DDX60L: variants seen among roughly 807,000 people sequenced by gnomAD.
The protein encoded by DDX60L is DExD/H-box 60 like, also known as probable ATP-dependent RNA helicase DDX60-like.
DDX60L carries 191 observed loss-of-function variants against 211.6 expected under a neutral mutation model. The ratio of observed to expected loss-of-function variants is 0.90; its 90% CI spans 0.80 to 1.02. The LOEUF is 1.02. Among genes scored for constraint, DDX60L ranks in the 50% least tolerant of loss-of-function variants. The pLI, the probability that DDX60L is intolerant of heterozygous loss-of-function variation, is 0.00. For missense variants in DDX60L, 2,007 were observed against 1,984.1 expected (o/e 1.01, Z -0.22); for synonymous variants, 706 against 694.1 (o/e 1.02, Z -0.27).
chr4:168,398,123 G>T (rs1222141403), intron 26 of DDX60L, among the ~76,000 whole-genome samples: 1 of 152,122 alleles, frequency 6.6e-6, no homozygotes, highest in Non-Finnish European at 1.5e-5. Context: ...ACTCTCGGGG[G>T]CCCAGGAAGG....
At chr4:168,398,637 C>A (rs1352599592) in intron 26 of DDX60L, among the ~76,000 whole-genome samples, 1 of 152,224 alleles carries the variant, frequency 6.6e-6, no homozygotes, top group African/African-American at 2.4e-5. Context: ...TCCAGGCCTG[C>A]CCATGGCCAC....
chr4:168,362,069 T>C (rs983513957), intron 36 of DDX60L, among the ~76,000 whole-genome samples: 6 of 152,238 alleles, frequency 3.9e-5, no homozygotes, highest in Admixed American at 2.0e-4. Context: ...GCCAGGCCAC[T>C]GCACCAGTGC....
chr4:168,406,067 TG>T lies in DDX60L; in HGVS notation c.3095del (p.Pro1032GlnfsTer11), dbSNP rs1747698647. On this transcript the variant is annotated frameshift_variant, in exon 24 of 38. Transcript: ENST00000682922. LOFTEE classifies it high-confidence loss of function. ...ETWPRAQELC[P>X]EEFILFKNKI... ...TATTCTTAAAAAGAATGAATTCCTCTGGACACAATTCCTTGGGGGGAAAATT... is the reference window on the plus strand; with the variant it reads ...TATTCTTAAAAAGAATGAATTCCTCTGACACAATTCCTTGGGGGGAAAATT... 1.3e-6 allele frequency: 2 copies of T among 1,593,642 alleles called. No homozygotes were observed. The highest frequency in any genetic ancestry group is 4.6e-5 in the East Asian group (2 of 43,872).
intron 9 of DDX60L, among the ~76,000 whole-genome samples, chr4:168,441,944 T>A (rs1753907589): frequency 6.6e-6 from 1 of 152,168 alleles, no homozygotes; most frequent in East Asian, 1.9e-4. Flanking sequence ...GCTTGCAACT[T>A]TAAAAACTAA....
At chr4:168,404,147 ATT>A in intron 24 of DDX60L, 41 bp from the exon 25 acceptor site, 2 of 1,199,846 alleles carry the variant, frequency 1.7e-6, no homozygotes, top group Non-Finnish European at 2.2e-6. Context: ...AAAAAAAAGA[ATT>A]TGTGGAAACA....
chr4:168,409,311 G>A (rs1561009059), intron 22 of DDX60L, among the ~76,000 whole-genome samples: 1 of 152,164 alleles, frequency 6.6e-6, no homozygotes, highest in South Asian at 2.1e-4. Context: ...ACTGAGAATA[G>A]ACGAAGGCAC....
chr4:168,474,031 C>T (rs898293929), intron 1 of DDX60L, among the ~76,000 whole-genome samples: 1 of 152,164 alleles, frequency 6.6e-6, no homozygotes, highest in African/African-American at 2.4e-5. Flanking sequence ...ACAGGCGCTG[C>T]ACTTGGGGGT....
rs1206995403 is a variant in DDX60L, at chr4:168,421,918, T to C, written c.2245-9A>G. The C allele has an allele frequency of 3.7e-6, 6 of 1,614,016 alleles. No individual in the cohort carries two copies. The highest frequency in any genetic ancestry group is 1.3e-5 in the African/African-American group (1 of 75,012). On this transcript the variant is annotated splice_polypyrimidine_tract_variant and intron_variant, in intron 16 of 37. Transcript: ENST00000682922. The stretch of plus-strand genomic sequence containing the variant: ...ACATCCAGGAGTTCCTGCTGCAGGG[T>C]ACAAAGCACCATTTGTGTCAAGAAA...
In DDX60L at chr4:168,394,576, G is replaced by T. The variant is rs745407490; in HGVS notation, c.3699C>A (p.His1233Gln). 1.2e-6 allele frequency: 2 copies of T among 1,613,082 alleles called. No homozygotes were observed. Among genetic ancestry groups the T allele is most frequent in the South Asian group, 2.2e-5 (2 of 90,948 alleles). The change falls in exon 28 of 38, where the codon CAC (histidine) becomes CAA (glutamine). Residue 1233 changes from histidine to glutamine, a missense_variant. Physicochemically the swap from His to Gln is conservative, Grantham distance 24. Transcript: ENST00000682922. ...RVLPRVRFTR[H>Q]GKELKALAQR... is the part of the protein sequence containing the mutation. ...GTGCTAAAGCCTTCAGTTCTTTGCC[G>T]TGTCTTGTAAATCGCACTCGCGGTA...
chr4:168,361,143 A>AAT lies in DDX60L; in HGVS notation c.4991+5_4991+6insAT, dbSNP rs1162371087. ...TTGAGAAAATCAAACTCAGCATGAA[A>AAT]CATACCTGATAGCCTGAATGTTGAA... On this transcript the variant is annotated splice_donor_region_variant and intron_variant, in intron 37 of 37. Coordinates refer to ENST00000682922, the MANE Select transcript of DDX60L (RefSeq NM_001012967.3). 1.9e-6 allele frequency: 3 copies of AAT among 1,597,852 alleles called. No individual in the cohort carries two copies. Among genetic ancestry groups the AAT allele is most frequent in the Non-Finnish European group, 2.6e-6 (3 of 1,168,142 alleles).
chr4:168,453,163 T>C lies in DDX60L; in HGVS notation c.957A>G (p.Thr319=). The C allele has an allele frequency of 6.2e-7, 1 of 1,613,016 alleles. No homozygotes were observed. The highest frequency in any genetic ancestry group is 1.1e-5 in the South Asian group (1 of 90,922). Residue 319 remains threonine (T), a synonymous_variant, in exon 8 of 38, where the codon ACA becomes ACG. Transcript: ENST00000682922. ...LSQRACSRVI[T]CSWIRNSDSF... ...AATCACTGTTCCTAATCCAAGAGCA[T>C]GTGATGACTCGAGAACAAGCTCTCT...
At chr4:168,404,774 A>T in intron 24 of DDX60L, among the ~76,000 whole-genome samples, 1 of 152,224 alleles carries the variant, frequency 6.6e-6, no homozygotes, top group Non-Finnish European at 1.5e-5. Flanking sequence ...ATTTTACATC[A>T]GGAAAATTAA....
intron 33 of DDX60L, among the ~76,000 whole-genome samples, chr4:168,376,787 C>T (rs1208758589): frequency 6.6e-6 from 1 of 152,182 alleles, no homozygotes; most frequent in Admixed American, 6.5e-5. Flanking sequence ...GCTATACAGC[C>T]CCATCAGGAG....
intron 34 of DDX60L, among the ~76,000 whole-genome samples, chr4:168,374,917 G>C (rs1445827461): frequency 6.6e-6 from 1 of 152,188 alleles, no homozygotes; most frequent in Admixed American, 6.5e-5. Context: ...ACTGGCATGA[G>C]ACCTCATGGT....
In DDX60L at chr4:168,403,041, G is replaced by T. The variant is rs1747110949; in HGVS notation, c.3338+941C>A. Among the ~76,000 whole-genome samples, 6 of 152,124 alleles carry T rather than the reference G, an allele frequency of 3.9e-5. 1 individual carries two copies. The highest frequency in any genetic ancestry group is 3.9e-4 in the Admixed American group (6 of 15,272). ...CTCAGTGATATATAGGGGTACATTT[G>T]TTTCTAACTAAAATTCAGAGCCACA... On this transcript the variant is annotated intron_variant, in intron 25 of 37. Transcript: ENST00000682922.
intron 20 of DDX60L, 50 bp downstream of exon 20, chr4:168,416,632 A>G (rs1749611316): frequency 8.8e-7 from 1 of 1,134,550 alleles, no homozygotes; most frequent in Non-Finnish European, 1.3e-6. Flanking sequence ...TAGACAGTAT[A>G]TAATTCAACC....
At chr4:168,379,271 A>G (rs1469022999) in intron 32 of DDX60L, 92 bp downstream of exon 32, 1 of 1,139,766 alleles carries the variant, frequency 8.8e-7, no homozygotes, top group Non-Finnish European at 1.2e-6. Context: ...AATAAATGAG[A>G]AGGAGGAAGA....
chr4:168,421,874 T>C lies in DDX60L; in HGVS notation c.2280A>G (p.Ser760=), dbSNP rs759898081. 2.5e-6 allele frequency: 4 copies of C among 1,614,190 alleles called. No homozygotes were observed. The highest frequency in any genetic ancestry group is 4.5e-5 in the East Asian group (2 of 44,876). Residue 760 remains serine, a synonymous_variant, in exon 17 of 38, where the codon TCA becomes TCG. Transcript: ENST00000682922. The stretch of plus-strand genomic sequence containing the variant: ...AGGACGTTGGGGCAACAATCACTGC[T>C]GACTCATTCTTATCTACCACATCCA... ...ELLDVVDKNE[S]AVIVAPTSSG... is the part of the protein sequence containing the mutation.
intron 10 of DDX60L, among the ~76,000 whole-genome samples, chr4:168,436,254 G>A (rs1442478525): frequency 6.6e-6 from 1 of 152,176 alleles, no homozygotes; most frequent in African/African-American, 2.4e-5. Flanking sequence ...CATGAAAGGA[G>A]TCATTCCCTC....
Sources: allele counts gnomAD v4.1 joint callset (sites outside exome capture counted in the v4.1 genomes callset), GRCh38; gene constraint gnomAD v4.1.1; transcripts MANE v1.5; gene names NCBI Gene and HGNC (gene_info 2026-07-23, HGNC 2026-07-21).